The following DLGAP2 variants were observed in gnomAD, a reference collection of about 807,000 sequenced individuals.
DLGAP2 encodes the protein disks large-associated protein 2.
DLGAP2 carries 26 observed loss-of-function variants against 100.3 expected under a neutral mutation model. The observed-to-expected ratio is 0.26, with a 90% confidence interval of 0.19 to 0.36. The LOEUF is 0.36. Ranked by LOEUF, DLGAP2 falls within the 10% of genes least tolerant of loss-of-function variation. DLGAP2 has a pLI of 1.00. For synonymous variants in DLGAP2, 886 were observed against 630.1 expected, an observed-to-expected ratio of 1.41 and a Z score of -6.08; for missense variants, 1,858 against 1,453.2, an observed-to-expected ratio of 1.28 and a Z score of -4.53.
intron 6 of DLGAP2, among the ~76,000 whole-genome samples, chr8:1,600,758 T>C (rs994755786): frequency 6.6e-6 from 1 of 152,358 alleles, no homozygotes; most frequent in Non-Finnish European, 1.5e-5. Flanking sequence ...CTGGTTATTC[T>C]AGTTAGCAAT....
intron 3 of DLGAP2, among the ~76,000 whole-genome samples, chr8:1,303,846 C>A (rs759075945): frequency 5.9e-5 from 9 of 152,170 alleles, no homozygotes; most frequent in Non-Finnish European, 1.0e-4. Flanking sequence ...GGGAGGCACC[C>A]TGCAGGTCTG....
chr8:1,280,991 G>C (rs763771354), intron 3 of DLGAP2, among the ~76,000 whole-genome samples: 4 of 152,184 alleles, frequency 2.6e-5, no homozygotes, highest in Admixed American at 2.0e-4. Flanking sequence ...GAATCCTTAC[G>C]ATAGCTCCAC....
chr8:1,428,575 G>C lies in DLGAP2; in HGVS notation c.107-72791G>C, dbSNP rs147920928. Among the ~76,000 whole-genome samples, 89 of 152,326 alleles carry C rather than the reference G, an allele frequency of 5.8e-4. 1 individual carries two copies. In the East Asian group the frequency reaches 0.016, roughly 28 times the overall value. On this transcript the variant is annotated intron_variant, in intron 3 of 14. Coordinates refer to ENST00000637795, the MANE Select transcript of DLGAP2 (RefSeq NM_001346810.2). ...TAGGTCAGATTGACTGCTGGGAACA[G>C]ATGGAAAATATTAAATAAGACATTA... is the stretch of plus-strand genomic sequence containing the variant.
At chr8:789,502 A>G (rs1821968307) in intron 1 of DLGAP2, among the ~76,000 whole-genome samples, 1 of 152,216 alleles carries the variant, frequency 6.6e-6, no homozygotes, top group Admixed American at 6.5e-5. Flanking sequence ...GGGGATCACA[A>G]TTTGACGTGA....
intron 2 of DLGAP2, among the ~76,000 whole-genome samples, chr8:1,090,271 C>A (rs561695406): frequency 6.6e-6 from 1 of 151,056 alleles, no homozygotes; most frequent in South Asian, 2.1e-4. Flanking sequence ...TGCCTGTCTG[C>A]CCTCTGGAGC....
intron 6 of DLGAP2, chr8:1,622,401 C>T (rs1797368062): frequency 1.3e-5 from 2 of 152,218 alleles, no homozygotes; most frequent in South Asian, 4.1e-4. Flanking sequence ...TATTTTCAAG[C>T]ATGTTTAGAT....
intron 2 of DLGAP2, among the ~76,000 whole-genome samples, chr8:947,238 T>A (rs1228799551): frequency 6.6e-6 from 1 of 151,906 alleles, no homozygotes; most frequent in Non-Finnish European, 1.5e-5. Context: ...TGCCCCACAC[T>A]CTCTACCAGG....
At chr8:1,588,501 T>C (rs1199551897) in intron 6 of DLGAP2, among the ~76,000 whole-genome samples, 1 of 152,192 alleles carries the variant, frequency 6.6e-6, no homozygotes, top group Non-Finnish European at 1.5e-5. Context: ...ATGCCTAATT[T>C]ATGAATTTTT....
chr8:1,188,827 T>A, intron 2 of DLGAP2, among the ~76,000 whole-genome samples: 1 of 121,602 alleles, frequency 8.2e-6, no homozygotes, highest in African/African-American at 6.6e-5. Context: ...AGGATGTGCC[T>A]TTTTTTAGGA....
intron 3 of DLGAP2, among the ~76,000 whole-genome samples, chr8:1,453,998 C>T (rs1292329660): frequency 1.3e-5 from 2 of 152,228 alleles, no homozygotes; most frequent in Non-Finnish European, 2.9e-5. Flanking sequence ...CTGGCGTGGC[C>T]TCCTGCCAGG....
intron 3 of DLGAP2, among the ~76,000 whole-genome samples, chr8:1,285,539 A>C (rs1563061130): frequency 6.6e-6 from 1 of 152,220 alleles, no homozygotes; most frequent in Non-Finnish European, 1.5e-5. Context: ...TGGAATAATA[A>C]TAGTCCACTG....
intron 2 of DLGAP2, among the ~76,000 whole-genome samples, chr8:1,149,435 C>A (rs1796661715): frequency 6.6e-6 from 1 of 152,176 alleles, no homozygotes; most frequent in South Asian, 2.1e-4. Context: ...GCACCAGCCA[C>A]CGCGCCTGGC....
Position 804,084 on chromosome 8 carries a change from G to GT in DLGAP2, c.18+66260dup, listed in dbSNP as rs1796221493. Among the ~76,000 whole-genome samples the GT allele has an allele frequency of 2.6e-5, 4 of 152,288 alleles. No individual in the cohort carries two copies. The South Asian group carries it at 8.3e-4, about 32-fold the overall frequency. Reference sequence around the variant, plus strand: ...CAGAATAGGAAAAGGCCTCTCTGTTGTAGGTGATTAAGCACTAGGATATCC... The same window carrying GT: ...CAGAATAGGAAAAGGCCTCTCTGTTGTTAGGTGATTAAGCACTAGGATATCC... On this transcript the variant is annotated intron_variant, in intron 1 of 14. Transcript: ENST00000637795.
At chr8:859,099 C>T (rs1585941186) in intron 1 of DLGAP2, among the ~76,000 whole-genome samples, 1 of 146,314 alleles carries the variant, frequency 6.8e-6, no homozygotes, top group East Asian at 2.0e-4. Flanking sequence ...CATAGACCAG[C>T]CCCACCTTAG....
chr8:1,156,436 C>G (rs958888461), intron 2 of DLGAP2, among the ~76,000 whole-genome samples: 1 of 152,206 alleles, frequency 6.6e-6, no homozygotes, highest in Non-Finnish European at 1.5e-5. Flanking sequence ...CCTGTCAGGC[C>G]TCACACGGTG....
chr8:926,422 C>T (rs1287751063), intron 2 of DLGAP2, among the ~76,000 whole-genome samples: 2 of 152,186 alleles, frequency 1.3e-5, no homozygotes, highest in Non-Finnish European at 2.9e-5. Flanking sequence ...GCCTCCAGGT[C>T]GGGGGTCTGT....
chr8:1,503,344 C>G (rs191829781), intron 4 of DLGAP2, among the ~76,000 whole-genome samples: 1 of 151,592 alleles, frequency 6.6e-6, no homozygotes, highest in Admixed American at 6.6e-5. Flanking sequence ...AAACTGACTC[C>G]TCCAGGGCCC....
chr8:742,066 T>G (rs1348390459), intron 1 of DLGAP2, among the ~76,000 whole-genome samples: 1 of 152,202 alleles, frequency 6.6e-6, no homozygotes, highest in Non-Finnish European at 1.5e-5. Flanking sequence ...CCCGTGACTT[T>G]CAGTTACATA....
At chr8:891,014 C>T (rs751138068) in intron 1 of DLGAP2, among the ~76,000 whole-genome samples, 4 of 152,110 alleles carry the variant, frequency 2.6e-5, no homozygotes, top group Non-Finnish European at 5.9e-5. Context: ...GGGCTGTGTC[C>T]CTGATTCCCT....
Sources: allele counts gnomAD v4.1 joint callset (sites outside exome capture counted in the v4.1 genomes callset), GRCh38; gene constraint gnomAD v4.1.1; transcripts MANE v1.5; gene names NCBI Gene and HGNC (gene_info 2026-07-23, HGNC 2026-07-21).